SLC7A4: variants seen among roughly 807,000 people sequenced by gnomAD.
SLC7A4 encodes the protein cationic amino acid transporter 4.
In SLC7A4, 30 loss-of-function variants were observed where a neutral mutation model predicts 37.8. The observed-to-expected ratio is 0.79, with a 90% confidence interval of 0.59 to 1.08. SLC7A4 has a LOEUF of 1.08. SLC7A4 is among the 50% of genes least tolerant of loss of function. SLC7A4 has a pLI of 0.00. For synonymous variants in SLC7A4, 359 were observed against 376.5 expected (o/e 0.95, Z 0.54); for missense variants, 839 against 843.2 (o/e 1.00, Z 0.06).
chr22:21,029,782 T>TG lies in SLC7A4; in HGVS notation c.1551dup (p.Ser518GlnfsTer47), dbSNP rs780469626. On this transcript the variant is annotated frameshift_variant, in exon 3 of 5. Transcript: ENST00000382932. LOFTEE classifies it high-confidence loss of function. ...AGGAGGCTGAGCAGAAACATGACACTGGTGAGCAGGAGCAGCAGGATGTAA... is the reference window on the plus strand; with the variant it reads ...AGGAGGCTGAGCAGAAACATGACACTGGGTGAGCAGGAGCAGCAGGATGTAA... 309 of 1,613,392 alleles carry TG rather than the reference T, an allele frequency of 1.9e-4. 2 individuals are homozygous for TG. In the Admixed American group the frequency reaches 5.1e-3, roughly 26 times the overall value.
Position 21,030,914 on chromosome 22 carries a change from T to A in SLC7A4, c.899A>T (p.Asp300Val), listed in dbSNP as rs1164551160. ...LTLMVPWHSL[D>V]PDSALADAFY... is the part of the protein sequence containing the mutation. ...GGCATCTGCAAGCGCTGAGTCGGGGTCCAGGCTGTGCCAGGGCACCATGAG... is the reference window on the plus strand; with the variant it reads ...GGCATCTGCAAGCGCTGAGTCGGGGACCAGGCTGTGCCAGGGCACCATGAG... Residue 300 changes from aspartate (D) to valine (V), a missense_variant, in exon 2 of 5, where the codon GAC (aspartate) becomes GTC (valine). Asp to Val is a radical substitution (Grantham distance 152, BLOSUM62 -3). Coordinates refer to ENST00000382932, the MANE Select transcript of SLC7A4 (RefSeq NM_004173.3). 2 of 1,613,740 alleles carry A rather than the reference T, an allele frequency of 1.2e-6. No individual in the cohort carries two copies. Among genetic ancestry groups the A allele is most frequent in the Admixed American group, 3.3e-5 (2 of 59,964 alleles).
intron 1 of SLC7A4, among the ~76,000 whole-genome samples, chr22:21,032,187 C>G (rs928857968): frequency 6.6e-6 from 1 of 152,184 alleles, no homozygotes; most frequent in African/African-American, 2.4e-5. Flanking sequence ...GTGGTGGGGT[C>G]CCAGAGCCAG....
At chr22:21,030,774 A>C (rs1928855753) in intron 2 of SLC7A4, 57 bp downstream of exon 2, 1 of 1,504,990 alleles carries the variant, frequency 6.6e-7, no homozygotes, top group Non-Finnish European at 8.9e-7. Context: ...CAAGAATCTG[A>C]GGACAAGGTC....
In SLC7A4 at chr22:21,030,821, A is replaced by G. The variant is rs750955512; in HGVS notation, c.982+10T>C. The G allele has an allele frequency of 3.2e-6, 5 of 1,555,086 alleles. No individual in the cohort carries two copies. The highest frequency in any genetic ancestry group is 2.6e-6 in the Non-Finnish European group (3 of 1,151,608). On this transcript the variant is annotated intron_variant, in intron 2 of 4. Coordinates refer to ENST00000382932, the MANE Select transcript of SLC7A4 (RefSeq NM_004173.3). ...TTTCCCTGCCACCCTGCCCAGGAAG[A>G]GTCTCTCACCGCAGATGGAGCCAGC...
In SLC7A4 at chr22:21,031,579, G is replaced by A. The variant is rs1061255; in HGVS notation, c.234C>T (p.Ala78=). 2.6e-5 allele frequency: 42 copies of A among 1,607,514 alleles called. No individual in the cohort carries two copies. The Admixed American group carries it at 4.9e-4, about 19-fold the overall frequency. ...GGGCTGCCAGCAGGGAGGCCACAGC[G>A]GCCACACCGAAGGACAAGAGCACAG... ...GPAVLLSFGV[A]AVASLLAALC... Residue 78 remains alanine, a synonymous_variant, in exon 2 of 5, where the codon GCC becomes GCT. Transcript: ENST00000382932.
At chr22:21,032,442 G>GC (rs1250846889) in intron 1 of SLC7A4, 89 bp downstream of exon 1, 1 of 153,172 alleles carries the variant, frequency 6.5e-6, no homozygotes, top group Non-Finnish European at 1.5e-5. Context: ...GCTCCGCCGC[G>GC]CCCCCGTCCC....
rs541479139 is a variant in SLC7A4, at chr22:21,031,220, A to G, written c.593T>C (p.Phe198Ser). 1.2e-6 allele frequency: 2 copies of G among 1,613,794 alleles called. No homozygotes were observed. Among genetic ancestry groups the G allele is most frequent in the East Asian group, 4.5e-5 (2 of 44,860 alleles). The part of the protein sequence containing the change: ...ARVSSWLNHT[F>S]SAISLLVILF... ...AATGACAAGCAGGCTGATGGCCGAG[A>G]AGGTGTGATTGAGCCAGGAGGACAC... Residue 198 changes from phenylalanine to serine, a missense_variant, in exon 2 of 5, where the codon TTC (phenylalanine) becomes TCC (serine). Physicochemically the swap from Phe to Ser is radical, Grantham distance 155. Coordinates refer to ENST00000382932, the MANE Select transcript of SLC7A4 (RefSeq NM_004173.3).
chr22:21,029,687 G>T (rs1168278924), intron 3 of SLC7A4, 24 bp downstream of exon 3: 2 of 1,594,436 alleles, frequency 1.3e-6, no homozygotes. Flanking sequence ...CCGAGTGTGA[G>T]TGGGTGTTGG....
intron 1 of SLC7A4, 121 bp from the exon 2 acceptor site, chr22:21,031,973 C>A: frequency 6.8e-6 from 4 of 587,368 alleles, no homozygotes; most frequent in Non-Finnish European, 7.6e-6. Flanking sequence ...TGGACACCCT[C>A]ACCAGGGGCC....
intron 2 of SLC7A4, 112 bp from the exon 3 acceptor site, chr22:21,030,463 G>T: frequency 9.2e-7 from 1 of 1,089,488 alleles, no homozygotes; most frequent in Non-Finnish European, 1.3e-6. Context: ...AGCTTGTCTG[G>T]GCTCTCAGAG....
intron 4 of SLC7A4, 34 bp from the exon 5 acceptor site, chr22:21,029,264 G>A (rs1928792406): frequency 1.9e-6 from 3 of 1,612,586 alleles, no homozygotes; most frequent in Non-Finnish European, 2.5e-6. Flanking sequence ...ATGAGCCTGA[G>A]GTACAGGTTC....
Position 21,030,270 on chromosome 22 carries a change from T to G in SLC7A4, c.1064A>C (p.Gln355Pro). ...YAMAADGLFF[Q>P]VFAHVHPRTQ... ...CCGGGGGTGCACATGGGCAAACACC[T>G]GGAAGAAGAGCCCATCGGCGGCCAT... is the stretch of plus-strand genomic sequence containing the variant. Residue 355 changes from glutamine to proline, a missense_variant, in exon 3 of 5, where the codon CAG (glutamine) becomes CCG (proline). Coordinates refer to ENST00000382932, the MANE Select transcript of SLC7A4 (RefSeq NM_004173.3). The G allele has an allele frequency of 6.2e-7, 1 of 1,613,658 alleles. No individual in the cohort carries two copies. The highest frequency in any genetic ancestry group is 2.2e-5 in the East Asian group (1 of 44,852).
In SLC7A4 at chr22:21,030,948, C is replaced by A; in HGVS notation, c.865G>T (p.Val289Leu). 1 of 1,613,972 alleles carries A rather than the reference C, an allele frequency of 6.2e-7. No homozygotes were observed. The highest frequency in any genetic ancestry group is 8.5e-7 in the Non-Finnish European group (1 of 1,179,962). ...AAGAYILVST[V>L]LTLMVPWHSL... The stretch of plus-strand genomic sequence containing the variant: ...TGCCAGGGCACCATGAGGGTTAGCA[C>A]GGTGGAGACAAGGATGTAGGCACCA... Residue 289 changes from valine (V) to leucine (L), a missense_variant, in exon 2 of 5, where the codon GTG becomes TTG. By Grantham distance (32) the Val-to-Leu change is conservative. Transcript: ENST00000382932.
Position 21,029,329 on chromosome 22 carries a change from C to A in SLC7A4, c.1732+7G>T, listed in dbSNP as rs763616667. 6.2e-6 allele frequency: 10 copies of A among 1,612,800 alleles called. No individual in the cohort carries two copies. Among genetic ancestry groups the A allele is most frequent in the East Asian group, 2.2e-5 (1 of 44,890 alleles). On this transcript the variant is annotated splice_region_variant and intron_variant, in intron 4 of 4. Coordinates refer to ENST00000382932, the MANE Select transcript of SLC7A4 (RefSeq NM_004173.3). ...CTGACCCCGGTCCCAGCCTGGCCCC[C>A]ACTCACCCATCAGCAGCCAGATGGA...
chr22:21,029,697 G>C lies in SLC7A4; in HGVS notation c.1623+14C>G, dbSNP rs1274937318. 6.2e-7 allele frequency: 1 copy of C among 1,601,808 alleles called. No homozygotes were observed. On this transcript the variant is annotated intron_variant, in intron 3 of 4. Coordinates refer to ENST00000382932, the MANE Select transcript of SLC7A4 (RefSeq NM_004173.3). ...CTGGGCCGAGTGTGAGTGGGTGTTGGCTAGGGGAGGTACCTGAAATAAGTC... is the reference window on the plus strand; with the variant it reads ...CTGGGCCGAGTGTGAGTGGGTGTTGCCTAGGGGAGGTACCTGAAATAAGTC...
Position 21,031,846 on chromosome 22 carries a change from C to T in SLC7A4, c.-34G>A. 1.4e-6 allele frequency: 2 copies of T among 1,469,462 alleles called. No individual in the cohort carries two copies. Among genetic ancestry groups the T allele is most frequent in the African/African-American group, 1.4e-5 (1 of 71,158 alleles). 91.0% of individuals were successfully genotyped at this position (1,469,462 alleles called of 1,614,324 possible). ...GCCGAGAAGAGCACCGAGCCAGCTACTGGAACCTGCTAGGGCCAGAGGGGA... is the reference window on the plus strand; with the variant it reads ...GCCGAGAAGAGCACCGAGCCAGCTATTGGAACCTGCTAGGGCCAGAGGGGA... On this transcript the variant is annotated 5_prime_UTR_variant, in exon 2 of 5. Coordinates refer to ENST00000382932, the MANE Select transcript of SLC7A4 (RefSeq NM_004173.3).
chr22:21,031,862 C>T lies in SLC7A4; in HGVS notation c.-40-10G>A. ...AGCCAGCTACTGGAACCTGCTAGGG[C>T]CAGAGGGGAATGACAGGATGCGTAG... is the stretch of plus-strand genomic sequence containing the variant. On this transcript the variant is annotated splice_polypyrimidine_tract_variant and intron_variant, in intron 1 of 4. Coordinates refer to ENST00000382932, the MANE Select transcript of SLC7A4 (RefSeq NM_004173.3). 1 of 1,448,678 alleles carries T rather than the reference C, an allele frequency of 6.9e-7. No homozygotes were observed. Among genetic ancestry groups the T allele is most frequent in the Non-Finnish European group, 9.0e-7 (1 of 1,105,848 alleles). 89.7% of individuals were successfully genotyped at this position (1,448,678 alleles called of 1,614,324 possible). A position where few individuals can be genotyped will look rare whatever the true frequency, so the allele number is the denominator to read the frequency against.
At position 21,028,911 on chromosome 22, in the gene SLC7A4, G is replaced by GAAGGTCCT. The variant is rs1243813248; in HGVS notation, c.*136_*143dup. Reference sequence around the variant, plus strand: ...AAGACCCGAAGCCCAGCCCCTGGATGAAGGTCCTAAGGTCCTGAGGACTCC... The same window carrying GAAGGTCCT: ...AAGACCCGAAGCCCAGCCCCTGGATGAAGGTCCTAAGGTCCTAAGGTCCTGAGGACTCC... On this transcript the variant is annotated 3_prime_UTR_variant, in exon 5 of 5. Transcript: ENST00000382932. The GAAGGTCCT allele has an allele frequency of 5.2e-6, 4 of 773,412 alleles. No homozygotes were observed. Among genetic ancestry groups the GAAGGTCCT allele is most frequent in the Non-Finnish European group, 8.0e-6 (4 of 501,430 alleles). The allele number at this position is 773,412 out of a possible 1,614,324, so 47.9% of individuals were successfully genotyped here.
intron 2 of SLC7A4, 46 bp from the exon 3 acceptor site, chr22:21,030,397 C>T (rs769536443): frequency 6.5e-7 from 1 of 1,547,996 alleles, no homozygotes; most frequent in South Asian, 1.2e-5. Flanking sequence ...GAGAAGCCCA[C>T]CAGGGGCCTC....
Sources: gnomAD v4.1 joint callset for allele counts (sites outside exome capture counted in the v4.1 genomes callset) on GRCh38, gnomAD v4.1.1 for gene constraint, MANE v1.5 for transcripts, NCBI Gene and HGNC (gene_info 2026-07-23, HGNC 2026-07-21) for gene names.